The following LDB3 variants were observed in gnomAD, a reference collection of about 807,000 sequenced individuals.
The protein encoded by LDB3 is LIM domain binding 3.
LDB3 carries 49 observed loss-of-function variants against 69.0 expected under a neutral mutation model. The observed-to-expected ratio is 0.71, with a 90% CI of 0.56 to 0.90. LDB3 has a LOEUF of 0.90. Ranked by LOEUF, LDB3 falls within the 40% of genes least tolerant of loss-of-function variation. LDB3 has a pLI of 0.00. For missense variants in LDB3, 928 were observed against 974.1 expected (o/e 0.95, Z 0.63); for synonymous variants, 387 against 396.2 (o/e 0.98, Z 0.28).
intron 2 of LDB3, among the ~76,000 whole-genome samples, chr10:86,672,903 G>C (rs990120519): frequency 6.6e-6 from 1 of 152,256 alleles, no homozygotes; most frequent in Non-Finnish European, 1.5e-5. Flanking sequence ...GCCAGTGTCA[G>C]GACTGCAGGG....
At chr10:86,682,515 A>G (rs924325343) in intron 5 of LDB3, among the ~76,000 whole-genome samples, 1 of 151,898 alleles carries the variant, frequency 6.6e-6, no homozygotes, top group African/African-American at 2.4e-5. Context: ...TGTAGGGGGG[A>G]GGCAAAGGAA....
intron 2 of LDB3, among the ~76,000 whole-genome samples, chr10:86,673,202 G>C (rs922990693): frequency 6.6e-6 from 1 of 152,240 alleles, no homozygotes; most frequent in South Asian, 2.1e-4. Flanking sequence ...GACCCAAATG[G>C]AACTGTGGAC....
In LDB3 at chr10:86,679,967, T is replaced by C. The variant is rs553896094; in HGVS notation, c.246-115T>C. ...GATCTGGGGCCCTCTGACTCAGCTA[T>C]CTCTGAGAGCTGACTCTGGCTCTCT... On this transcript the variant is annotated intron_variant, in intron 3 of 13. Transcript: ENST00000361373. The C allele has an allele frequency of 3.2e-6, 3 of 923,930 alleles. No homozygotes were observed. The East Asian group carries it at 7.5e-5, about 23-fold the overall frequency. 57.2% of individuals were successfully genotyped at this position (923,930 alleles called of 1,614,324 possible).
intron 11 of LDB3, 148 bp downstream of exon 11, chr10:86,718,292 A>G: frequency 2.6e-6 from 2 of 774,120 alleles, no homozygotes; most frequent in Non-Finnish European, 2.2e-6. Flanking sequence ...GTTTGCCACC[A>G]ATAAACTTGG....
chr10:86,674,820 A>G (rs563412185), intron 2 of LDB3, among the ~76,000 whole-genome samples: 1 of 152,072 alleles, frequency 6.6e-6, no homozygotes, highest in Non-Finnish European at 1.5e-5. Context: ...CCTGGACTGC[A>G]CTCTCCATGA....
intron 13 of LDB3, among the ~76,000 whole-genome samples, chr10:86,729,983 G>A (rs1847398170): frequency 6.6e-6 from 1 of 152,062 alleles, no homozygotes; most frequent in Non-Finnish European, 1.5e-5. Flanking sequence ...CCATCTTTTT[G>A]CATAGTCTTT....
chr10:86,714,453 G>C (rs1846784654), intron 9 of LDB3, among the ~76,000 whole-genome samples: 1 of 152,094 alleles, frequency 6.6e-6, no homozygotes, highest in Admixed American at 6.5e-5. Context: ...GTGACCTCAA[G>C]TGTAAAGAGG....
At chr10:86,676,192 A>G (rs927541969) in intron 2 of LDB3, among the ~76,000 whole-genome samples, 1 of 152,162 alleles carries the variant, frequency 6.6e-6, no homozygotes, top group Non-Finnish European at 1.5e-5. Context: ...GTCTGTTTCT[A>G]TATTGTCCTT....
intron 2 of LDB3, among the ~76,000 whole-genome samples, chr10:86,674,574 C>T (rs1844672267): frequency 6.6e-6 from 1 of 152,168 alleles, no homozygotes; most frequent in Non-Finnish European, 1.5e-5. Flanking sequence ...CCATTCTAGG[C>T]TGCACCCAGG....
intron 5 of LDB3, among the ~76,000 whole-genome samples, chr10:86,685,429 C>T (rs1337622754): frequency 6.6e-6 from 1 of 152,202 alleles, no homozygotes; most frequent in Non-Finnish European, 1.5e-5. Flanking sequence ...TCTGGCAAAG[C>T]AGAGGGCACT....
intron 5 of LDB3, among the ~76,000 whole-genome samples, chr10:86,688,563 C>T (rs973544826): frequency 1.3e-5 from 2 of 152,174 alleles, no homozygotes; most frequent in African/African-American, 4.8e-5. Context: ...TGCTCTTCGC[C>T]TAATTCTGGG....
At chr10:86,681,268 C>T (rs927140783) in intron 4 of LDB3, among the ~76,000 whole-genome samples, 168 bp from the exon 5 acceptor site, 3 of 152,278 alleles carry the variant, frequency 2.0e-5, no homozygotes, top group African/African-American at 7.2e-5. Context: ...TGCCTGCCTG[C>T]TCCTCCACCA....
At chr10:86,667,706 G>A (rs1844233921), upstream of LDB3, among the ~76,000 whole-genome samples, 1 of 152,246 alleles carries the variant, frequency 6.6e-6, no homozygotes, top group Non-Finnish European at 1.5e-5. Context: ...ACAAAGACAG[G>A]AGAGCCAGGA....
rs770200206 is a variant in LDB3 at position 86,680,179 on chromosome 10, G to A, written c.321+22G>A. On this transcript the variant is annotated intron_variant, in intron 4 of 13. Transcript: ENST00000361373. ...GAAGGTAGGTGCTGACTGTGGCGGC[G>A]GGGTCCACTCAGCCCTGGTTCCTGG... 1.6e-5 allele frequency: 26 copies of A among 1,607,998 alleles called. No individual in the cohort carries two copies. The Admixed American group carries it at 2.0e-4, about 12-fold the overall frequency.
At chr10:86,713,065 A>AATATAT (rs138161930) in intron 9 of LDB3, among the ~76,000 whole-genome samples, 258 of 148,558 alleles carry the variant, frequency 1.7e-3, no homozygotes, top group African/African-American at 5.7e-3. Context: ...CCGTCTCAAA[A>AATATAT]ATATATATAT....
intron 5 of LDB3, chr10:86,687,328 G>A: frequency 1.3e-6 from 2 of 1,514,562 alleles, no homozygotes; most frequent in East Asian, 2.3e-5. Context: ...GAGGGGTATG[G>A]GCCATTGGGC....
intron 7 of LDB3, among the ~76,000 whole-genome samples, chr10:86,704,205 T>C (rs1265703639): frequency 1.3e-5 from 2 of 152,080 alleles, no homozygotes; most frequent in Admixed American, 6.6e-5. Flanking sequence ...AACTTCATTT[T>C]AACAGGATCC....
chr10:86,703,615 T>C (rs548848453), intron 7 of LDB3, among the ~76,000 whole-genome samples: 48 of 152,358 alleles, frequency 3.2e-4, no homozygotes, highest in African/African-American at 1.2e-3. Flanking sequence ...TCCAGCTCCA[T>C]TCTTCCGTGA....
intron 12 of LDB3, 146 bp from the exon 13 acceptor site, chr10:86,725,991 T>C: frequency 1.5e-6 from 1 of 679,024 alleles, no homozygotes; most frequent in Non-Finnish European, 2.7e-6. Flanking sequence ...CTATCAGTCA[T>C]GTAACTGAGT....
Sources: gnomAD v4.1 joint callset for allele counts (sites outside exome capture counted in the v4.1 genomes callset) on GRCh38, gnomAD v4.1.1 for gene constraint, MANE v1.5 for transcripts, NCBI Gene and HGNC (gene_info 2026-07-23, HGNC 2026-07-21) for gene names.